PLAUR: variants seen among roughly 807,000 people sequenced by gnomAD.
PLAUR encodes the protein urokinase plasminogen activator surface receptor.
PLAUR carries 22 observed loss-of-function variants against 33.4 expected under a neutral mutation model. That is an observed-to-expected ratio of 0.66 (90% CI 0.47 to 0.94). The LOEUF (loss-of-function observed/expected upper bound fraction) is 0.94. Ranked by LOEUF, PLAUR falls within the 40% of genes least tolerant of loss-of-function variation. The pLI is 0.00. For synonymous variants in PLAUR, 148 were observed against 167.3 expected (o/e 0.88, Z 0.89); for missense variants, 408 against 434.7 (o/e 0.94, Z 0.55).
At position 43,668,938 on chromosome 19, in the gene PLAUR, C is replaced by T. The variant is rs376009431; in HGVS notation, c.55+1128G>A. On this transcript the variant is annotated intron_variant, in intron 1 of 6. Transcript: ENST00000340093. The stretch of plus-strand genomic sequence containing the variant: ...GCTCCTCCCCGACACTCTCTCCCCG[C>T]CCCAGGCTCCGCCCCGAGATTGCAG... Among the ~76,000 whole-genome samples, 8 of 152,328 alleles carry T rather than the reference C, an allele frequency of 5.3e-5. No homozygotes were observed. The East Asian group carries it at 7.7e-4, about 15-fold the overall frequency.
intron 1 of PLAUR, 93 bp from the exon 2 acceptor site, chr19:43,667,784 C>A: frequency 6.6e-7 from 1 of 1,524,204 alleles, no homozygotes; most frequent in Non-Finnish European, 8.8e-7. Context: ...AACACCAAGT[C>A]TCCAGGCCCC....
intron 3 of PLAUR, among the ~76,000 whole-genome samples, chr19:43,661,743 T>C (rs1967005972): frequency 1.3e-5 from 2 of 151,950 alleles, no homozygotes; most frequent in Admixed American, 6.6e-5. Flanking sequence ...CCAATAATTG[T>C]TTATTATTTG....
chr19:43,667,572 GA>G lies in PLAUR; in HGVS notation c.166+8del. 6.3e-7 allele frequency: 1 copy of G among 1,597,304 alleles called. No homozygotes were observed. The highest frequency in any genetic ancestry group is 8.6e-7 in the Non-Finnish European group (1 of 1,165,000). ...GCTGGAGGGGTGTGTGGGTTGGGGG[GA>G]AGCTCACCTTCCCACAAGCGCACGA... On this transcript the variant is annotated splice_region_variant and intron_variant, in intron 2 of 6. Coordinates refer to ENST00000340093, the MANE Select transcript of PLAUR (RefSeq NM_002659.4).
At chr19:43,669,612 G>A (rs1967433434) in intron 1 of PLAUR, among the ~76,000 whole-genome samples, 1 of 151,898 alleles carries the variant, frequency 6.6e-6, no homozygotes, top group Admixed American at 6.6e-5. Flanking sequence ...AGGAGATTGA[G>A]ACCATCCTGG....
At chr19:43,656,941 C>CT (rs113667043) in intron 3 of PLAUR, 2,714 of 148,544 alleles carry the variant, frequency 0.018, 20 homozygotes, top group Non-Finnish European at 0.027. Context: ...CATTTCTTTC[C>CT]TTTTTTTTTT....
chr19:43,649,189 G>C, intron 6 of PLAUR, 46 bp from the exon 7 acceptor site: 8 of 1,587,210 alleles, frequency 5.0e-6, no homozygotes, highest in Non-Finnish European at 6.9e-6. Flanking sequence ...CCTGGGCCCA[G>C]GACTGGAATT....
chr19:43,667,894 T>C (rs1414653107), intron 1 of PLAUR: 1 of 1,412,876 alleles, frequency 7.1e-7, no homozygotes, highest in Non-Finnish European at 9.2e-7. Flanking sequence ...TAACTGAACG[T>C]TCTATCCCTG....
At chr19:43,647,938 C>CATTTTT (rs1555778381), downstream of PLAUR, among the ~76,000 whole-genome samples, 8 of 133,224 alleles carry the variant, frequency 6.0e-5, 1 homozygote, top group South Asian at 4.8e-4. Flanking sequence ...TTAGAGAGCC[C>CATTTTT]TTTTTTTTTT....
intron 2 of PLAUR, among the ~76,000 whole-genome samples, chr19:43,667,027 C>A (rs1967283018): frequency 6.6e-6 from 1 of 151,998 alleles, no homozygotes; most frequent in Non-Finnish European, 1.5e-5. Context: ...CAGGTGCGTG[C>A]CACCACACTC....
intron 2 of PLAUR, among the ~76,000 whole-genome samples, chr19:43,666,210 G>A (rs1274978510): frequency 6.6e-6 from 1 of 152,038 alleles, no homozygotes; most frequent in Admixed American, 6.6e-5. Flanking sequence ...GTACAAATGT[G>A]AGCTACTGTG....
At chr19:43,652,198 C>T in intron 6 of PLAUR, 27 bp downstream of exon 6, 1 of 1,612,674 alleles carries the variant, frequency 6.2e-7, no homozygotes, top group East Asian at 2.2e-5. Context: ...AATAAGTGTT[C>T]CCTCCCAGCC....
intron 4 of PLAUR, 124 bp downstream of exon 4, chr19:43,656,355 C>T: frequency 2.5e-6 from 2 of 810,020 alleles, no homozygotes; most frequent in Non-Finnish European, 3.8e-6. Flanking sequence ...TATCACTGGA[C>T]CTCTTGTGTA....
chr19:43,646,538 G>C (rs1477452227), downstream of PLAUR: 1 of 717,676 alleles, frequency 1.4e-6, no homozygotes, highest in Non-Finnish European at 2.6e-6. Flanking sequence ...AGCTTCCCCA[G>C]AGTGAGCGTT....
At chr19:43,666,078 T>A (rs911022225) in intron 2 of PLAUR, among the ~76,000 whole-genome samples, 3 of 151,824 alleles carry the variant, frequency 2.0e-5, no homozygotes, top group African/African-American at 4.8e-5. Flanking sequence ...AACTTTATTT[T>A]ATTTATTTAT....
intron 6 of PLAUR, 150 bp downstream of exon 6, chr19:43,652,075 C>T (rs1187628975): frequency 7.6e-6 from 11 of 1,451,672 alleles, no homozygotes; most frequent in Non-Finnish European, 1.0e-5. Context: ...GTCCTAATTC[C>T]TTACAATAAT....
chr19:43,662,532 A>G (rs1016479784), intron 3 of PLAUR, among the ~76,000 whole-genome samples: 3 of 152,086 alleles, frequency 2.0e-5, no homozygotes, highest in Admixed American at 6.6e-5. Flanking sequence ...CGATCATGAC[A>G]TTCGCTGTTT....
chr19:43,666,270 C>T (rs906033558), intron 2 of PLAUR, among the ~76,000 whole-genome samples: 7 of 151,978 alleles, frequency 4.6e-5, no homozygotes, highest in African/African-American at 1.7e-4. Flanking sequence ...TTATAAAAAA[C>T]GTATCATATT....
rs146937073 is a variant in PLAUR, at chr19:43,665,450, T to C, written c.176A>G (p.Glu59Gly). The change falls in exon 3 of 7, where the codon GAG (glutamate) becomes GGG (glycine). Residue 59 changes from glutamate to glycine, a missense_variant. Transcript: ENST00000340093. ...ACAGCTTTTCTCCACCAGCTCCAGC[T>C]CTTCTCCTTCTGCAAGGAGGGGATC... is the stretch of plus-strand genomic sequence containing the variant. ...TIVRLWEEGE[E>G]LELVEKSCTH... 2 of 1,613,042 alleles carry C rather than the reference T, an allele frequency of 1.2e-6. No homozygotes were observed. The highest frequency in any genetic ancestry group is 1.7e-6 in the Non-Finnish European group (2 of 1,179,852).
In PLAUR at chr19:43,658,052, AAAG is replaced by A. The variant is rs200968816; in HGVS notation, c.311-1415_311-1413del. ...ACTCTGTCTTTAAATTAAAAAAAAAAAAGAAGAAGAAAAGAATAAGGATGCCCT... is the reference window on the plus strand; with the variant it reads ...ACTCTGTCTTTAAATTAAAAAAAAAAAAGAAGAAAAGAATAAGGATGCCCT... On this transcript the variant is annotated intron_variant, in intron 3 of 6. Coordinates refer to ENST00000340093, the MANE Select transcript of PLAUR (RefSeq NM_002659.4). Among the ~76,000 whole-genome samples the A allele has an allele frequency of 9.2e-5, 14 of 152,198 alleles. No homozygotes were observed. The East Asian group carries it at 1.5e-3, about 17-fold the overall frequency.
Sources: allele counts gnomAD v4.1 joint callset (sites outside exome capture counted in the v4.1 genomes callset), GRCh38; gene constraint gnomAD v4.1.1; transcripts MANE v1.5; gene names NCBI Gene and HGNC (gene_info 2026-07-23, HGNC 2026-07-21).